GRM8: variants seen among roughly 807,000 people sequenced by gnomAD.
GRM8 encodes metabotropic glutamate receptor 8.
In GRM8, 47 loss-of-function variants were observed where a neutral mutation model predicts 87.2. The ratio of observed to expected loss-of-function variants is 0.54; its 90% CI spans 0.43 to 0.69. The LOEUF is 0.69. Among genes scored for constraint, GRM8 ranks in the 30% least tolerant of loss-of-function variants. The pLI is 0.00. For missense variants in GRM8, 1,019 were observed against 1,139.2 expected, an observed-to-expected ratio of 0.89 and a Z score of 1.52; for synonymous variants, 396 against 404.5, an observed-to-expected ratio of 0.98 and a Z score of 0.25.
At chr7:126,572,909 G>C (rs1252354538) in intron 8 of GRM8, among the ~76,000 whole-genome samples, 1 of 152,158 alleles carries the variant, frequency 6.6e-6, no homozygotes, top group Non-Finnish European at 1.5e-5. Context: ...AATGAAGACA[G>C]AGAAAGACAC....
At chr7:126,473,478 A>G (rs1269310404) in intron 9 of GRM8, among the ~76,000 whole-genome samples, 1 of 152,160 alleles carries the variant, frequency 6.6e-6, no homozygotes, top group Non-Finnish European at 1.5e-5. Flanking sequence ...CCGGTACCCA[A>G]TGTATCTAGG....
At chr7:126,767,037 A>G (rs1818271246) in intron 7 of GRM8, among the ~76,000 whole-genome samples, 1 of 152,192 alleles carries the variant, frequency 6.6e-6, no homozygotes, top group Admixed American at 6.6e-5. Context: ...GAGACCAGTA[A>G]GCAGGACTAA....
chr7:126,651,490 C>T (rs11977805), intron 7 of GRM8, among the ~76,000 whole-genome samples: 46,670 of 151,906 alleles, frequency 0.31, 8,028 homozygotes, highest in East Asian at 0.43. Flanking sequence ...GGGTGGAAGT[C>T]GAAGTGGCAG....
intron 7 of GRM8, among the ~76,000 whole-genome samples, chr7:126,689,866 T>C (rs1388108483): frequency 3.3e-5 from 5 of 152,222 alleles, no homozygotes; most frequent in South Asian, 4.1e-4. Context: ...AGAGAGGCTA[T>C]ATGTTTCTAT....
chr7:127,083,309 C>A lies in GRM8; in HGVS notation c.727+23187G>T, dbSNP rs536316576. 2.6e-5 allele frequency among the ~76,000 whole-genome samples: 4 copies of A among 152,246 alleles called. No individual in the cohort carries two copies. The South Asian group carries it at 6.2e-4, about 24-fold the overall frequency. On this transcript the variant is annotated intron_variant, in intron 3 of 10. Coordinates refer to ENST00000339582, the MANE Select transcript of GRM8 (RefSeq NM_000845.3). The stretch of plus-strand genomic sequence containing the variant: ...TCTTCCTTCTCCCTCACTCTGTATA[C>A]CCCATTGCTTGCAATTGTTTGATTC...
intron 7 of GRM8, among the ~76,000 whole-genome samples, chr7:126,769,125 A>G (rs1350024990): frequency 6.6e-6 from 1 of 152,066 alleles, no homozygotes; most frequent in Non-Finnish European, 1.5e-5. Context: ...AGAGCATTCT[A>G]TCATTTCATT....
At chr7:126,503,341 T>C (rs1809923712) in intron 9 of GRM8, among the ~76,000 whole-genome samples, 1 of 152,056 alleles carries the variant, frequency 6.6e-6, no homozygotes, top group Admixed American at 6.6e-5. Flanking sequence ...CATGAGACTG[T>C]TTCTGTAACT....
chr7:126,488,053 C>A (rs1260860377), intron 9 of GRM8, among the ~76,000 whole-genome samples: 2 of 151,880 alleles, frequency 1.3e-5, no homozygotes, highest in South Asian at 2.1e-4. Flanking sequence ...CTTGAAGCAA[C>A]CATCATACTT....
At chr7:126,936,169 G>C (rs993722964) in intron 3 of GRM8, among the ~76,000 whole-genome samples, 2 of 152,172 alleles carry the variant, frequency 1.3e-5, no homozygotes, top group Admixed American at 6.5e-5. Context: ...GTGGTTGGCT[G>C]AAAGGAACTC....
intron 2 of GRM8, among the ~76,000 whole-genome samples, chr7:127,169,772 C>T (rs1341138772): frequency 6.6e-6 from 1 of 152,214 alleles, no homozygotes; most frequent in East Asian, 1.9e-4. Context: ...GTTAAATCTA[C>T]ATTGCCTGTG....
chr7:126,846,044 A>T (rs1462814659), intron 6 of GRM8, among the ~76,000 whole-genome samples: 1 of 151,956 alleles, frequency 6.6e-6, no homozygotes, highest in Non-Finnish European at 1.5e-5. Flanking sequence ...AATATATATA[A>T]TAGTATAAAA....
intron 6 of GRM8, among the ~76,000 whole-genome samples, chr7:126,782,722 A>C (rs1055346892): frequency 2.0e-5 from 3 of 152,178 alleles, no homozygotes; most frequent in Non-Finnish European, 4.4e-5. Context: ...GAAGTTTATG[A>C]TGCATATCCT....
At chr7:126,496,606 G>A (rs1404122419) in intron 9 of GRM8, among the ~76,000 whole-genome samples, 2 of 151,648 alleles carry the variant, frequency 1.3e-5, no homozygotes, top group African/African-American at 2.4e-5. Flanking sequence ...TTTTGCCATC[G>A]TTTTTTACTA....
rs114786475 is a variant in GRM8, at chr7:126,685,476, C to G, written c.1358-75978G>C. On this transcript the variant is annotated intron_variant, in intron 7 of 10. Transcript: ENST00000339582. The surrounding 1 kb of genome is among the most constrained non-coding windows in gnomAD (Gnocchi z 4.2). Reference sequence around the variant, plus strand: ...TCTGGACCCAGGCATCTCTGTGTTCCTGGGGGCCCAGGAAGGCCCCTCTGA... The same window carrying G: ...TCTGGACCCAGGCATCTCTGTGTTCGTGGGGGCCCAGGAAGGCCCCTCTGA... 6.6e-6 allele frequency among the ~76,000 whole-genome samples: 1 copy of G among 152,222 alleles called. No individual in the cohort carries two copies. Among genetic ancestry groups the G allele is most frequent in the African/African-American group, 2.4e-5 (1 of 41,560 alleles).
intron 9 of GRM8, among the ~76,000 whole-genome samples, chr7:126,507,398 G>C (rs1314580828): frequency 1.3e-5 from 2 of 152,052 alleles, no homozygotes; most frequent in African/African-American, 4.8e-5. Context: ...GTGTGAGGAT[G>C]AACTTGTGTC....
Position 126,558,190 on chromosome 7 carries a change from T to A in GRM8, c.1495-24303A>T, listed in dbSNP as rs1396797931. On this transcript the variant is annotated intron_variant, in intron 8 of 10. Coordinates refer to ENST00000339582, the MANE Select transcript of GRM8 (RefSeq NM_000845.3). ...TGTGGTAGGTTAGCAGAGAGTTAAGTACATGTAAGTACCACAGTGAAGAGC... is the reference window on the plus strand; with the variant it reads ...TGTGGTAGGTTAGCAGAGAGTTAAGAACATGTAAGTACCACAGTGAAGAGC... Among the ~76,000 whole-genome samples the A allele has an allele frequency of 2.0e-5, 3 of 152,202 alleles. No individual in the cohort carries two copies. The East Asian group carries it at 5.8e-4, about 29-fold the overall frequency.
intron 2 of GRM8, among the ~76,000 whole-genome samples, chr7:127,200,636 T>A (rs1795535489): frequency 6.6e-6 from 1 of 152,170 alleles, no homozygotes; most frequent in African/African-American, 2.4e-5. Context: ...CCTTGCCTCC[T>A]CCAGTGTCTG....
chr7:127,065,105 G>C (rs1820979375), intron 3 of GRM8, among the ~76,000 whole-genome samples: 1 of 152,134 alleles, frequency 6.6e-6, no homozygotes, highest in South Asian at 2.1e-4. Flanking sequence ...TACCAAAGAT[G>C]TGGAATCAAT....
chr7:126,987,915 C>T (rs1347183521), intron 3 of GRM8, among the ~76,000 whole-genome samples: 1 of 152,136 alleles, frequency 6.6e-6, no homozygotes, highest in Non-Finnish European at 1.5e-5. Context: ...GGAGTAGGTA[C>T]TCATTCCAAT....
Sources: gnomAD v4.1 joint callset for allele counts (sites outside exome capture counted in the v4.1 genomes callset) on GRCh38, gnomAD v4.1.1 for gene constraint, Gnocchi (gnomAD v3.1) non-coding constraint, MANE v1.5 for transcripts, NCBI Gene and HGNC (gene_info 2026-07-23, HGNC 2026-07-21) for gene names.